BDP1: variants seen among roughly 807,000 people sequenced by gnomAD.
BDP1 encodes transcription factor TFIIIB component B'' homolog.
Under a neutral mutation model 266.6 loss-of-function variants are expected in BDP1, and 169 were observed. That is an observed-to-expected ratio of 0.63 (90% CI 0.56 to 0.72). The LOEUF (loss-of-function observed/expected upper bound fraction) is 0.72. Ranked by LOEUF, BDP1 falls within the 30% of genes least tolerant of loss-of-function variation. BDP1 has a pLI of 0.00. For missense variants in BDP1, 3,015 were observed against 3,053.8 expected, an observed-to-expected ratio of 0.99 and a Z score of 0.30; for synonymous variants, 1,090 against 1,022.4, an observed-to-expected ratio of 1.07 and a Z score of -1.26.
intron 22 of BDP1, among the ~76,000 whole-genome samples, chr5:71,517,760 CTG>C (rs1765296625): frequency 6.6e-6 from 1 of 152,100 alleles, no homozygotes; most frequent in Non-Finnish European, 1.5e-5. Context: ...CTTAAGTTCT[CTG>C]TATCTTTTTT....
At chr5:71,460,645 C>T (rs991244054) in intron 2 of BDP1, among the ~76,000 whole-genome samples, 22 of 152,014 alleles carry the variant, frequency 1.4e-4, no homozygotes, top group African/African-American at 4.3e-4. Flanking sequence ...ACCTGGAAGG[C>T]GGAGGTTGCA....
At chr5:71,513,101 C>A in intron 18 of BDP1, 84 bp from the exon 19 acceptor site, 1 of 862,566 alleles carries the variant, frequency 1.2e-6, no homozygotes, top group South Asian at 1.8e-5. Flanking sequence ...AAATGTTTAC[C>A]GCCAGTCTCT....
At chr5:71,526,044 G>A (rs13175550) in intron 25 of BDP1, among the ~76,000 whole-genome samples, 3 of 152,172 alleles carry the variant, frequency 2.0e-5, no homozygotes, top group Non-Finnish European at 2.9e-5. Context: ...GGTGGCGGCC[G>A]GGCAGAGGCT....
chr5:71,496,692 C>T (rs978394807), intron 12 of BDP1, among the ~76,000 whole-genome samples: 7 of 152,186 alleles, frequency 4.6e-5, no homozygotes, highest in African/African-American at 1.4e-4. Flanking sequence ...AAGGGATTCA[C>T]CTGCCTCAGC....
chr5:71,496,406 TCA>T (rs1763895532), intron 12 of BDP1, among the ~76,000 whole-genome samples: 1 of 151,128 alleles, frequency 6.6e-6, no homozygotes, highest in Admixed American at 6.6e-5. Flanking sequence ...GAGCTCTCCC[TCA>T]CACACACATA....
intron 7 of BDP1, among the ~76,000 whole-genome samples, chr5:71,482,511 C>T (rs1369605830): frequency 6.6e-6 from 1 of 152,130 alleles, no homozygotes; most frequent in African/African-American, 2.4e-5. Flanking sequence ...TTGCCAAGGC[C>T]AGAAGTGGAA....
intron 26 of BDP1, chr5:71,537,811 G>C (rs975743601): frequency 6.1e-6 from 1 of 163,754 alleles, no homozygotes; most frequent in Non-Finnish European, 1.4e-5. Context: ...TTCCTTCACC[G>C]CCCTTCTGCT....
chr5:71,475,153 CGGCTCACTGCAGCCTCTGTCCT>C (rs762080436), intron 7 of BDP1, among the ~76,000 whole-genome samples: 23 of 152,030 alleles, frequency 1.5e-4, no homozygotes, highest in Non-Finnish European at 2.8e-4. Context: ...GGCATGATTA[CGGCTCACTGCAGCCTCTGTCCT>C]GGCTCACTGC....
chr5:71,464,811 C>T (rs187797665), intron 4 of BDP1, among the ~76,000 whole-genome samples: 129 of 149,782 alleles, frequency 8.6e-4, no homozygotes, highest in African/African-American at 3.1e-3. Flanking sequence ...CTCTGCCTCC[C>T]GGGTTCAAGC....
At chr5:71,506,874 G>A (rs1468991280) in intron 16 of BDP1, among the ~76,000 whole-genome samples, 1 of 151,484 alleles carries the variant, frequency 6.6e-6, no homozygotes, top group African/African-American at 2.4e-5. Context: ...AGGCTGGAGT[G>A]CAGTGGTGTG....
At chr5:71,503,273 C>CTT (rs1764372589) in intron 15 of BDP1, among the ~76,000 whole-genome samples, 1 of 152,116 alleles carries the variant, frequency 6.6e-6, no homozygotes, top group Non-Finnish European at 1.5e-5. Flanking sequence ...AGGCATGAGC[C>CTT]ACTGTGCCCA....
intron 34 of BDP1, among the ~76,000 whole-genome samples, chr5:71,552,826 GAGA>G (rs1472678046): frequency 6.6e-6 from 1 of 152,144 alleles, no homozygotes; most frequent in African/African-American, 2.4e-5. Context: ...GAGGGAGAGG[GAGA>G]CCATGGGGAG....
chr5:71,507,659 T>C (rs1764654232), intron 16 of BDP1, among the ~76,000 whole-genome samples: 1 of 152,236 alleles, frequency 6.6e-6, no homozygotes, highest in African/African-American at 2.4e-5. Context: ...AAAAGCTAGA[T>C]GTTTCTGGAT....
chr5:71,515,315 A>T (rs1010506060), intron 20 of BDP1, among the ~76,000 whole-genome samples, 193 bp downstream of exon 20: 1 of 152,230 alleles, frequency 6.6e-6, no homozygotes, highest in African/African-American at 2.4e-5. Context: ...TTGCCTGCTT[A>T]TCTGCATTGT....
chr5:71,525,667 G>T (rs1415173584), intron 25 of BDP1, among the ~76,000 whole-genome samples: 21 of 113,782 alleles, frequency 1.8e-4, no homozygotes, highest in African/African-American at 6.1e-4. Context: ...TCCGGACGGG[G>T]TGGCTGGCCG....
At chr5:71,496,714 C>T (rs4704049) in intron 12 of BDP1, among the ~76,000 whole-genome samples, 67,562 of 151,998 alleles carry the variant, frequency 0.44, 15,401 homozygotes, top group South Asian at 0.55. Flanking sequence ...TCCCAAGTAG[C>T]TGGGACTACA....
In BDP1 at chr5:71,501,668, A is replaced by G; in HGVS notation, c.2048+15A>G. On this transcript the variant is annotated intron_variant, in intron 14 of 38. Coordinates refer to ENST00000358731, the MANE Select transcript of BDP1 (RefSeq NM_018429.3). ...ACTGTATCTGTGTGAGTATTCAGGAAGTAGTAAAAAAAAAAAAAAAAAAAA... is the reference window on the plus strand; with the variant it reads ...ACTGTATCTGTGTGAGTATTCAGGAGGTAGTAAAAAAAAAAAAAAAAAAAA... 1.1e-6 allele frequency: 1 copy of G among 941,632 alleles called. No homozygotes were observed. The highest frequency in any genetic ancestry group is 1.6e-6 in the Non-Finnish European group (1 of 636,922). 58.3% of individuals were successfully genotyped at this position (941,632 alleles called of 1,614,324 possible). A position where few individuals can be genotyped will look rare whatever the true frequency, so the allele number is the denominator to read the frequency against.
At chr5:71,575,232 A>G in the BDP1 span, among the ~76,000 whole-genome samples, 2 of 152,228 alleles carry the variant, frequency 1.3e-5, no homozygotes, top group African/African-American at 2.4e-5. Flanking sequence ...GGTTCCTACA[A>G]TGAAACCCTA....
At chr5:71,457,551 A>G (rs1192914862) in intron 1 of BDP1, among the ~76,000 whole-genome samples, 3 of 152,000 alleles carry the variant, frequency 2.0e-5, no homozygotes, top group African/African-American at 4.8e-5. Flanking sequence ...CCTGACCTCA[A>G]GTGATCCACC....
Sources: gnomAD v4.1 joint callset for allele counts (sites outside exome capture counted in the v4.1 genomes callset) on GRCh38, gnomAD v4.1.1 for gene constraint, MANE v1.5 for transcripts, NCBI Gene and HGNC (gene_info 2026-07-23, HGNC 2026-07-21) for gene names.